The following VAV3 variants were observed in gnomAD, a reference collection of about 807,000 sequenced individuals.
VAV3 encodes the protein vav guanine nucleotide exchange factor 3.
A neutral mutation model predicts 131.2 loss-of-function variants in VAV3; 94 were observed. That is an observed-to-expected ratio of 0.72 (90% confidence interval 0.61 to 0.85). The LOEUF (loss-of-function observed/expected upper bound fraction) is 0.85. Ranked by LOEUF, VAV3 falls within the 40% of genes least tolerant of loss-of-function variation. The pLI is 0.00. For missense variants in VAV3, 939 were observed against 1,002.7 expected (o/e 0.94, Z 0.86); for synonymous variants, 349 against 342.0 (o/e 1.02, Z -0.22).
Position 107,965,001 on chromosome 1 carries a change from G to A in VAV3, c.-132C>T. ...GCCCTTTCCCCGCGCGGGATCGAGG[G>A]AGCAGGAGCCGCGGCTGACGGGTCG... On this transcript the variant is annotated 5_prime_UTR_variant, in exon 1 of 27. Coordinates refer to ENST00000370056, the MANE Select transcript of VAV3 (RefSeq NM_006113.5). 1 of 775,118 alleles carries A rather than the reference G, an allele frequency of 1.3e-6. No homozygotes were observed. Among genetic ancestry groups the A allele is most frequent in the Non-Finnish European group, 1.6e-6 (1 of 606,854 alleles). 48.0% of individuals were successfully genotyped at this position (775,118 alleles called of 1,614,324 possible).
At chr1:107,877,596 C>G (rs1008782544) in intron 1 of VAV3, among the ~76,000 whole-genome samples, 1 of 152,194 alleles carries the variant, frequency 6.6e-6, no homozygotes, top group Non-Finnish European at 1.5e-5. Flanking sequence ...TTACTTGTCC[C>G]TTAACTAGTT....
At chr1:107,659,047 C>T (rs369514094) in intron 19 of VAV3, among the ~76,000 whole-genome samples, 95 of 152,144 alleles carry the variant, frequency 6.2e-4, no homozygotes, top group African/African-American at 2.0e-3. Flanking sequence ...TGAATGGTAA[C>T]GCCTAGGTTT....
intron 1 of VAV3, among the ~76,000 whole-genome samples, chr1:107,921,537 A>G (rs547016139): frequency 6.6e-6 from 1 of 152,334 alleles, no homozygotes; most frequent in Admixed American, 6.5e-5. Flanking sequence ...GACACAGTAA[A>G]GTTCTGGAAA....
At chr1:107,664,949 G>A (rs1657309041) in intron 19 of VAV3, among the ~76,000 whole-genome samples, 1 of 152,206 alleles carries the variant, frequency 6.6e-6, no homozygotes. Context: ...AGTACATGTG[G>A]AAAATTACCA....
At chr1:107,942,432 G>A (rs1674043327) in intron 1 of VAV3, among the ~76,000 whole-genome samples, 1 of 152,020 alleles carries the variant, frequency 6.6e-6, no homozygotes, top group African/African-American at 2.4e-5. Context: ...ATCTTTAAAG[G>A]GACACTTGGC....
intron 24 of VAV3, 83 bp downstream of exon 24, chr1:107,602,314 C>T (rs1651925919): frequency 9.8e-7 from 1 of 1,023,804 alleles, no homozygotes; most frequent in Non-Finnish European, 1.4e-6. Context: ...AGCAAAATTT[C>T]CAAGAAACTA....
intron 4 of VAV3, among the ~76,000 whole-genome samples, 199 bp from the exon 5 acceptor site, chr1:107,773,042 G>A (rs1342237096): frequency 6.6e-6 from 1 of 152,238 alleles, no homozygotes; most frequent in Non-Finnish European, 1.5e-5. Flanking sequence ...AACGAGGGCA[G>A]TGGCAGCCAT....
chr1:107,726,834 A>C lies in VAV3; in HGVS notation c.1503-21773T>G, dbSNP rs544254326. The stretch of plus-strand genomic sequence containing the variant: ...ATTGAATTTTACTGATGGTTTACAG[A>C]GTGGGTACACAAAGTTTAAAGCATG... On this transcript the variant is annotated intron_variant, in intron 15 of 26. Transcript: ENST00000370056. 3.4e-3 allele frequency among the ~76,000 whole-genome samples: 524 copies of C among 152,356 alleles called. 2 individuals carry two copies. The highest frequency in any genetic ancestry group is 0.012 in the African/African-American group (503 of 41,592).
At chr1:107,644,188 TAG>T (rs1183414494) in intron 19 of VAV3, among the ~76,000 whole-genome samples, 1 of 152,160 alleles carries the variant, frequency 6.6e-6, no homozygotes, top group African/African-American at 2.4e-5. Flanking sequence ...GCCTTTAGTA[TAG>T]AGAGTTTATT....
Position 107,683,503 on chromosome 1 carries a change from T to C in VAV3, c.1762A>G (p.Lys588Glu). The change falls in exon 19 of 27, where the codon AAA (lysine) becomes GAA (glutamate). Residue 588 changes from lysine (K) to glutamate (E), a missense_variant. Lys to Glu is a moderately conservative substitution (Grantham distance 56, BLOSUM62 1). Coordinates refer to ENST00000370056, the MANE Select transcript of VAV3 (RefSeq NM_006113.5). ...AGAAACACACCTGGATCCACCTGTT[T>C]AGGAGTTCTTCGCAGTCCATTGGTC... ...KRTNGLRRTP[K>E]QVDPGLPKMQ... 1 of 1,614,052 alleles carries C rather than the reference T, an allele frequency of 6.2e-7. No individual in the cohort carries two copies.
intron 1 of VAV3, among the ~76,000 whole-genome samples, chr1:107,900,534 C>G (rs538981134): frequency 6.6e-6 from 1 of 152,126 alleles, no homozygotes; most frequent in African/African-American, 2.4e-5. Context: ...ATATCAGACC[C>G]ATATTCAATC....
At chr1:107,729,684 G>A (rs146475857) in intron 15 of VAV3, among the ~76,000 whole-genome samples, 41 of 152,108 alleles carry the variant, frequency 2.7e-4, no homozygotes, top group Non-Finnish European at 5.4e-4. Context: ...ATAATTTTGT[G>A]ATTATTTAAC....
intron 1 of VAV3, among the ~76,000 whole-genome samples, chr1:107,878,961 C>CA (rs1343585968): frequency 3.3e-5 from 5 of 151,960 alleles, no homozygotes; most frequent in Non-Finnish European, 4.4e-5. Flanking sequence ...ATTCTTTTGT[C>CA]AAAAAACAGA....
chr1:107,897,587 G>A (rs1258179576), intron 1 of VAV3, among the ~76,000 whole-genome samples: 1 of 152,012 alleles, frequency 6.6e-6, no homozygotes, highest in East Asian at 2.0e-4. Context: ...CCTCCTCTGG[G>A]ACTTCTAGTT....
chr1:107,924,389 T>C lies in VAV3; in HGVS notation c.204+40277A>G, dbSNP rs144939801. ...AAATTTTACCCTCCAGTCGATATTATGACAAAAAAAAAAAAAACCCTGTAA... is the reference window on the plus strand; with the variant it reads ...AAATTTTACCCTCCAGTCGATATTACGACAAAAAAAAAAAAAACCCTGTAA... On this transcript the variant is annotated intron_variant, in intron 1 of 26. Transcript: ENST00000370056. Among the ~76,000 whole-genome samples the C allele has an allele frequency of 2.2e-3, 329 of 146,344 alleles. 1 individual carries two copies. Among genetic ancestry groups the C allele is most frequent in the African/African-American group, 7.8e-3 (310 of 39,604 alleles).
chr1:107,894,048 A>C (rs933601151), intron 1 of VAV3, among the ~76,000 whole-genome samples: 12 of 152,338 alleles, frequency 7.9e-5, no homozygotes, highest in Admixed American at 2.0e-4. Flanking sequence ...GCACACACAG[A>C]ATACTGATTG....
chr1:107,755,139 G>A (rs1442111677), intron 12 of VAV3, among the ~76,000 whole-genome samples: 1 of 152,038 alleles, frequency 6.6e-6, no homozygotes, highest in African/African-American at 2.4e-5. Context: ...GTAGGGGGAT[G>A]AGGGAAAGAA....
chr1:107,672,824 T>A (rs1488542646), intron 19 of VAV3, among the ~76,000 whole-genome samples: 1 of 152,188 alleles, frequency 6.6e-6, no homozygotes, highest in East Asian at 1.9e-4. Context: ...TACTATGATA[T>A]GATAGTAAGA....
At chr1:107,777,749 C>T (rs745869404) in intron 3 of VAV3, 10 of 166,016 alleles carry the variant, frequency 6.0e-5, no homozygotes, top group Non-Finnish European at 1.2e-4. Flanking sequence ...TCCATGGCTC[C>T]GTTCACTAGT....
Sources: allele counts gnomAD v4.1 joint callset (sites outside exome capture counted in the v4.1 genomes callset), GRCh38; gene constraint gnomAD v4.1.1; transcripts MANE v1.5; gene names NCBI Gene and HGNC (gene_info 2026-07-23, HGNC 2026-07-21).